The following FHIT variants were observed in gnomAD, a reference collection of about 807,000 sequenced individuals.
FHIT encodes the protein bis(5'-adenosyl)-triphosphatase.
A neutral mutation model predicts 17.9 loss-of-function variants in FHIT; 19 were observed. That is an observed-to-expected ratio of 1.06 (90% CI 0.74 to 1.56). The LOEUF (loss-of-function observed/expected upper bound fraction) is 1.56, where lower values mean the gene tolerates loss of function less well. Among genes scored for constraint, FHIT ranks in the 40% most tolerant of loss-of-function variants. FHIT has a pLI of 0.00. For synonymous variants in FHIT, 81 were observed against 69.7 expected (o/e 1.16, Z -0.81); for missense variants, 248 against 189.2 (o/e 1.31, Z -1.82).
intron 5 of FHIT, among the ~76,000 whole-genome samples, chr3:60,330,715 G>C (rs1398634738): frequency 6.6e-6 from 1 of 152,194 alleles, no homozygotes; most frequent in African/African-American, 2.4e-5. Flanking sequence ...TTACAGAAGT[G>C]AAAGACTGGA....
At chr3:59,997,712 T>C (rs1475553932) in intron 7 of FHIT, among the ~76,000 whole-genome samples, 2 of 152,170 alleles carry the variant, frequency 1.3e-5, no homozygotes, top group African/African-American at 4.8e-5. Context: ...AGTAATGTAA[T>C]GACCTTGGGA....
At chr3:60,849,612 G>A (rs987312862) in intron 3 of FHIT, among the ~76,000 whole-genome samples, 1 of 151,808 alleles carries the variant, frequency 6.6e-6, no homozygotes, top group Non-Finnish European at 1.5e-5. Context: ...GATTGATTCC[G>A]ATCTGATCTC....
intron 8 of FHIT, among the ~76,000 whole-genome samples, chr3:59,824,760 T>C (rs958766666): frequency 6.6e-6 from 1 of 152,210 alleles, no homozygotes; most frequent in East Asian, 1.9e-4. Flanking sequence ...GTTAAATCAA[T>C]ATGTTCAAAG....
At chr3:60,163,981 C>T (rs562404033) in intron 5 of FHIT, among the ~76,000 whole-genome samples, 7 of 152,238 alleles carry the variant, frequency 4.6e-5, no homozygotes, top group Admixed American at 2.0e-4. Flanking sequence ...AAGGCAGAGA[C>T]AGTGCTGGCT....
intron 2 of FHIT, among the ~76,000 whole-genome samples, chr3:61,181,215 G>T (rs1441122906): frequency 6.6e-6 from 1 of 152,112 alleles, no homozygotes; most frequent in Non-Finnish European, 1.5e-5. Flanking sequence ...TCCCAGCCAA[G>T]TAATGACCAA....
Position 60,011,467 on chromosome 3 carries a change from A to G in FHIT, c.250-67T>C, listed in dbSNP as rs370152813. 5.5e-6 allele frequency: 7 copies of G among 1,279,012 alleles called. No homozygotes were observed. In the African/African-American group the frequency reaches 5.8e-5, roughly 11 times the overall value. 79.2% of individuals were successfully genotyped at this position (1,279,012 alleles called of 1,614,324 possible). ...TGGTATCTCCTGCTTATTCAGAAAT[A>G]TCACCCATTAATAATTTAGATGCAA... is the stretch of plus-strand genomic sequence containing the variant. On this transcript the variant is annotated intron_variant, in intron 6 of 9. Coordinates refer to ENST00000492590, the MANE Select transcript of FHIT (RefSeq NM_002012.4).
At chr3:59,982,435 C>T (rs1375381682) in intron 7 of FHIT, among the ~76,000 whole-genome samples, 1 of 152,128 alleles carries the variant, frequency 6.6e-6, no homozygotes. Flanking sequence ...GCCAGTCCCA[C>T]AGGGTTTTCA....
Position 59,783,781 on chromosome 3 carries a change from C to T in FHIT, c.349-31460G>A, listed in dbSNP as rs1472658038. ...ATCCTCTGGGGGAGCTGATTTGCCA[C>T]AACCCCCACACCCCACCAGTGAAAA... On this transcript the variant is annotated intron_variant, in intron 8 of 9. Coordinates refer to ENST00000492590, the MANE Select transcript of FHIT (RefSeq NM_002012.4). 2.6e-5 allele frequency among the ~76,000 whole-genome samples: 4 copies of T among 152,162 alleles called. No homozygotes were observed. The South Asian group carries it at 8.3e-4, about 32-fold the overall frequency.
chr3:60,243,169 C>G (rs1185477777), intron 5 of FHIT, among the ~76,000 whole-genome samples: 1 of 151,904 alleles, frequency 6.6e-6, no homozygotes, highest in Non-Finnish European at 1.5e-5. Context: ...AACAGAAATA[C>G]AGGGTTACCT....
chr3:60,343,810 G>C (rs1000396003), intron 5 of FHIT, among the ~76,000 whole-genome samples: 1 of 152,074 alleles, frequency 6.6e-6, no homozygotes, highest in Non-Finnish European at 1.5e-5. Context: ...AAAAGCCCTG[G>C]ACTGTCTTAA....
At chr3:60,684,700 C>T (rs1451555726) in intron 4 of FHIT, among the ~76,000 whole-genome samples, 1 of 152,058 alleles carries the variant, frequency 6.6e-6, no homozygotes, top group African/African-American at 2.4e-5. Flanking sequence ...AATACCCAGA[C>T]AGTTTCCTGA....
At chr3:60,232,205 A>T (rs1368330494) in intron 5 of FHIT, among the ~76,000 whole-genome samples, 1 of 152,152 alleles carries the variant, frequency 6.6e-6, no homozygotes, top group African/African-American at 2.4e-5. Context: ...TCATATTTCA[A>T]GTTGGGAAAA....
chr3:59,805,382 G>A (rs1319236845), intron 8 of FHIT, among the ~76,000 whole-genome samples: 1 of 152,188 alleles, frequency 6.6e-6, no homozygotes, highest in Non-Finnish European at 1.5e-5. Context: ...TTCAGCTAAA[G>A]GAATGTGAGA....
At chr3:60,271,176 G>A (rs1023256946) in intron 5 of FHIT, among the ~76,000 whole-genome samples, 2 of 152,116 alleles carry the variant, frequency 1.3e-5, no homozygotes, top group African/African-American at 2.4e-5. Context: ...AAGGTGGGCA[G>A]ATCTCTTGAG....
At chr3:61,017,785 A>C (rs1232776325) in intron 3 of FHIT, among the ~76,000 whole-genome samples, 2 of 152,226 alleles carry the variant, frequency 1.3e-5, no homozygotes, top group Non-Finnish European at 2.9e-5. Flanking sequence ...TTATTCTTTA[A>C]TATCACTCAG....
intron 5 of FHIT, among the ~76,000 whole-genome samples, chr3:60,256,131 A>T (rs756679079): frequency 2.6e-5 from 4 of 152,144 alleles, no homozygotes; most frequent in Non-Finnish European, 5.9e-5. Context: ...GCTAGCTCTC[A>T]TTTTATTTGT....
intron 4 of FHIT, among the ~76,000 whole-genome samples, chr3:60,797,269 G>GA (rs1463314172): frequency 5.3e-5 from 8 of 152,128 alleles, no homozygotes; most frequent in African/African-American, 1.9e-4. Flanking sequence ...TTTCATTGAA[G>GA]AAATGGTGAC....
intron 3 of FHIT, among the ~76,000 whole-genome samples, chr3:60,859,482 TG>T (rs1703528100): frequency 1.3e-5 from 2 of 151,998 alleles, no homozygotes; most frequent in African/African-American, 2.4e-5. Flanking sequence ...TGGAGTTACG[TG>T]GGTCCAAATG....
At chr3:61,189,051 CTATTCAACACAGTGT>C (rs2038622076) in intron 2 of FHIT, among the ~76,000 whole-genome samples, 1 of 152,066 alleles carries the variant, frequency 6.6e-6, no homozygotes, top group Admixed American at 6.5e-5. Flanking sequence ...CTTACCACTC[CTATTCAACACAGTGT>C]TGGAATTTCT....
Sources: gnomAD v4.1 joint callset for allele counts (sites outside exome capture counted in the v4.1 genomes callset) on GRCh38, gnomAD v4.1.1 for gene constraint, MANE v1.5 for transcripts, NCBI Gene and HGNC (gene_info 2026-07-23, HGNC 2026-07-21) for gene names.